The following KCTD10 variants were observed in gnomAD, a reference collection of about 807,000 sequenced individuals.
KCTD10 encodes the protein potassium channel tetramerization domain containing 10.
In KCTD10, 13 loss-of-function variants were observed where a neutral mutation model predicts 34.6. That is an observed-to-expected ratio of 0.38 (90% CI 0.24 to 0.60). The LOEUF (loss-of-function observed/expected upper bound fraction) is 0.60. KCTD10 is among the 20% of genes least tolerant of loss of function. KCTD10 has a pLI of 0.66. For missense variants in KCTD10, 256 were observed against 420.3 expected (o/e 0.61, Z 3.42); for synonymous variants, 156 against 168.8 (o/e 0.92, Z 0.59).
At chr12:109,474,712 A>T (rs3948619) in intron 1 of KCTD10, among the ~76,000 whole-genome samples, 1 of 152,038 alleles carries the variant, frequency 6.6e-6, no homozygotes, top group Non-Finnish European at 1.5e-5. Context: ...CCATAAACCA[A>T]AGCCAGCCCC....
Position 109,451,469 on chromosome 12 carries a change from C to T in KCTD10, c.*126G>A. On this transcript the variant is annotated 3_prime_UTR_variant, in exon 7 of 7. Coordinates refer to ENST00000228495, the MANE Select transcript of KCTD10 (RefSeq NM_031954.5). This position sits in a 1 kb window ranked among gnomAD's most constrained non-coding sequence, Gnocchi z 5.0. Reference sequence around the variant, plus strand: ...AAGCAATACCAAAATAATCATCTGGCTTGTTACAAAAGTATCTCCAGGCTC... The same window carrying T: ...AAGCAATACCAAAATAATCATCTGGTTTGTTACAAAAGTATCTCCAGGCTC... 1.1e-6 allele frequency: 1 copy of T among 897,170 alleles called. No individual in the cohort carries two copies. Among genetic ancestry groups the T allele is most frequent in the Non-Finnish European group, 1.7e-6 (1 of 598,510 alleles). 55.6% of individuals were successfully genotyped at this position (897,170 alleles called of 1,614,324 possible).
Position 109,458,022 on chromosome 12 carries a change from T to G in KCTD10, c.444A>C (p.Glu148Asp), listed in dbSNP as rs1455886662. The change falls in exon 4 of 7, where the codon GAA becomes GAC. Residue 148 changes from glutamate to aspartate, a missense_variant. Transcript: ENST00000228495. ...CKVPVITSSK[E>D]EQKLIATSNK... is the part of the protein sequence containing the mutation. ...TTGAAGTCGCTATAAGTTTTTGTTC[T>G]TCCTTGGATGAGGTGATCACAGGGA... 3 of 1,614,164 alleles carry G rather than the reference T, an allele frequency of 1.9e-6. No individual in the cohort carries two copies. The South Asian group carries it at 3.3e-5, about 18-fold the overall frequency.
intron 6 of KCTD10, among the ~76,000 whole-genome samples, chr12:109,452,729 G>A (rs928340131): frequency 6.6e-5 from 10 of 152,190 alleles, no homozygotes; most frequent in Non-Finnish European, 1.3e-4. Flanking sequence ...CACTGATGCA[G>A]CCTGAAACCC....
chr12:109,464,820 G>T (rs1394319944), intron 2 of KCTD10: 1 of 456,044 alleles, frequency 2.2e-6, no homozygotes, highest in East Asian at 6.9e-5. Flanking sequence ...AGTGCCAAGG[G>T]TTGGCAAAAA....
In KCTD10 at chr12:109,450,053, GTA is replaced by G; in HGVS notation, c.*1540_*1541del. On this transcript the variant is annotated 3_prime_UTR_variant, in exon 7 of 7. Transcript: ENST00000228495. ...ACAACTGTCACAGGCAGGGCAGTAA[GTA>G]CAAAGTCTAAGCTGTAAAAACCGTT... 2 of 384,752 alleles carry G rather than the reference GTA, an allele frequency of 5.2e-6. No homozygotes were observed. 23.8% of individuals were successfully genotyped at this position (384,752 alleles called of 1,614,324 possible).
chr12:109,460,476 G>T lies in KCTD10; in HGVS notation c.387+160C>A, dbSNP rs1684036667. 3 of 705,396 alleles carry T rather than the reference G, an allele frequency of 4.3e-6. No individual in the cohort carries two copies. Among genetic ancestry groups the T allele is most frequent in the Non-Finnish European group, 7.0e-6 (3 of 430,142 alleles). 43.7% of individuals were successfully genotyped at this position (705,396 alleles called of 1,614,324 possible). A position where few individuals can be genotyped will look rare whatever the true frequency, so the allele number is the denominator to read the frequency against. On this transcript the variant is annotated intron_variant, in intron 3 of 6. Transcript: ENST00000228495. This position sits in a 1 kb window ranked among gnomAD's most constrained non-coding sequence, Gnocchi z 4.5. ...GCTGTTCCAGGGAGGCCTCTCAGGG[G>T]TCACTCCAACCGAAGGAATCGGGCT...
chr12:109,462,620 G>A (rs1000721947), intron 2 of KCTD10, among the ~76,000 whole-genome samples: 7 of 152,358 alleles, frequency 4.6e-5, no homozygotes, highest in African/African-American at 1.7e-4. Context: ...GGGCGGGGCT[G>A]AGGCTGGGGC....
chr12:109,475,595 G>C (rs1783274064), intron 1 of KCTD10, among the ~76,000 whole-genome samples: 1 of 152,180 alleles, frequency 6.6e-6, no homozygotes. Flanking sequence ...TGTTTAAAAA[G>C]CTCTTTGGGG....
intron 5 of KCTD10, 90 bp from the exon 6 acceptor site, chr12:109,456,403 C>G: frequency 2.0e-6 from 2 of 990,360 alleles, no homozygotes; most frequent in Non-Finnish European, 3.2e-6. Context: ...CCTACTGAGC[C>G]CACTTTCTCC....
chr12:109,471,268 C>T (rs1003478086), intron 1 of KCTD10: 6 of 985,244 alleles, frequency 6.1e-6, no homozygotes, highest in African/African-American at 5.2e-5. Flanking sequence ...AGAAGCAACG[C>T]GACAGTCATG....
intron 1 of KCTD10, among the ~76,000 whole-genome samples, chr12:109,473,384 T>A (rs1873987189): frequency 6.6e-6 from 1 of 152,106 alleles, no homozygotes; most frequent in South Asian, 2.1e-4. Context: ...AAGCCTCACC[T>A]CCCTCACAGG....
rs112381663 is a variant in KCTD10 at position 109,469,919 on chromosome 12, G to A, written c.4-191C>T. ...GGACTTCTGGCTTCTCCTAAAATCA[G>A]AGGCCAACTGGGCTAGCAGGGGAAC... On this transcript the variant is annotated intron_variant, in intron 1 of 6. Transcript: ENST00000228495. 5 of 1,308,286 alleles carry A rather than the reference G, an allele frequency of 3.8e-6. No homozygotes were observed. In the African/African-American group the frequency reaches 7.5e-5, roughly 19 times the overall value. The allele number at this position is 1,308,286 out of a possible 1,614,324, so 81.0% of individuals were successfully genotyped here. A position where few individuals can be genotyped will look rare whatever the true frequency, so the allele number is the denominator to read the frequency against.
intron 1 of KCTD10, among the ~76,000 whole-genome samples, chr12:109,474,342 A>C (rs1874042580): frequency 6.6e-6 from 1 of 152,212 alleles, no homozygotes; most frequent in South Asian, 2.1e-4. Flanking sequence ...GATACTGGCT[A>C]CGGATCTGAT....
chr12:109,461,384 G>A (rs970315992), intron 2 of KCTD10, among the ~76,000 whole-genome samples: 1 of 152,184 alleles, frequency 6.6e-6, no homozygotes, highest in Non-Finnish European at 1.5e-5. Context: ...AGCACTTAGT[G>A]GCTAGTGAAT....
chr12:109,455,064 G>A (rs1371670236), intron 6 of KCTD10, among the ~76,000 whole-genome samples: 1 of 151,900 alleles, frequency 6.6e-6, no homozygotes, highest in African/African-American at 2.4e-5. Context: ...CAGTTCACAG[G>A]AGAAAAGGGG....
chr12:109,464,348 A>G (rs1297514482), intron 2 of KCTD10, among the ~76,000 whole-genome samples: 1 of 152,138 alleles, frequency 6.6e-6, no homozygotes, highest in African/African-American at 2.4e-5. Flanking sequence ...TGCCCCGCAC[A>G]TTGTAGGGTA....
In KCTD10 at chr12:109,449,536, C is replaced by G. The variant is rs1301991826; in HGVS notation, c.*2059G>C. 1 of 152,166 alleles carries G rather than the reference C, an allele frequency of 6.6e-6. No individual in the cohort carries two copies. The highest frequency in any genetic ancestry group is 2.4e-5 in the African/African-American group (1 of 41,406). 9.4% of individuals were successfully genotyped at this position (152,166 alleles called of 1,614,324 possible). ...GGTCAGGAGTTCAAGACCAGCCTGG[C>G]CAACATGGTGAAACCCCATCTCTAC... On this transcript the variant is annotated 3_prime_UTR_variant, in exon 7 of 7. Coordinates refer to ENST00000228495, the MANE Select transcript of KCTD10 (RefSeq NM_031954.5).
chr12:109,452,824 A>C (rs531791202), intron 6 of KCTD10, among the ~76,000 whole-genome samples: 1,588 of 132,210 alleles, frequency 0.012, 22 homozygotes, highest in Middle Eastern at 0.023. Context: ...AGAGGCTGGG[A>C]GGAAATCCTG....
rs1199682178 is a variant in KCTD10 at position 109,449,265 on chromosome 12, G to A, written c.*2330C>T. ...TGGCTATAATGCAGCCGACAGAATT[G>A]TTCACCATGGAATGTTTTATAAACC... On this transcript the variant is annotated 3_prime_UTR_variant, in exon 7 of 7. Transcript: ENST00000228495. 6.6e-6 allele frequency: 1 copy of A among 152,190 alleles called. No homozygotes were observed. Among genetic ancestry groups the A allele is most frequent in the Non-Finnish European group, 1.5e-5 (1 of 68,036 alleles). The allele number at this position is 152,190 out of a possible 1,614,324, so 9.4% of individuals were successfully genotyped here. A position where few individuals can be genotyped will look rare whatever the true frequency, so the allele number is the denominator to read the frequency against.
Sources: gnomAD v4.1 joint callset for allele counts (sites outside exome capture counted in the v4.1 genomes callset) on GRCh38, gnomAD v4.1.1 for gene constraint, Gnocchi (gnomAD v3.1) non-coding constraint, MANE v1.5 for transcripts, NCBI Gene and HGNC (gene_info 2026-07-23, HGNC 2026-07-21) for gene names.